Variants in FOXP2 observed in about 807,000 individuals in gnomAD.
FOXP2 encodes the protein forkhead box protein P2.
Under a neutral mutation model 115.8 loss-of-function variants are expected in FOXP2, and 12 were observed. The ratio of observed to expected loss-of-function variants is 0.10; its 90% CI spans 0.07 to 0.17. FOXP2 has a LOEUF of 0.17. FOXP2 is among the 10% of genes least tolerant of loss of function. The pLI is 1.00. For missense variants in FOXP2, 629 were observed against 843.5 expected, an observed-to-expected ratio of 0.75 and a Z score of 3.15; for synonymous variants, 328 against 297.7, an observed-to-expected ratio of 1.10 and a Z score of -1.05.
chr7:114,221,871 G>C (rs1794631268), intron 1 of FOXP2, among the ~76,000 whole-genome samples: 1 of 151,992 alleles, frequency 6.6e-6, no homozygotes, highest in Non-Finnish European at 1.5e-5. Flanking sequence ...TGTTTTCAAG[G>C]CTTGTTGAGT....
At chr7:114,631,492 C>T in intron 5 of FOXP2, 36 bp from the exon 6 acceptor site, 1 of 1,551,986 alleles carries the variant, frequency 6.4e-7, no homozygotes, top group Non-Finnish European at 8.7e-7. Flanking sequence ...AGACCATGTT[C>T]TCTGCTGTTT....
intron 8 of FOXP2, among the ~76,000 whole-genome samples, chr7:114,646,830 A>C (rs1168591441): frequency 6.6e-6 from 1 of 152,032 alleles, no homozygotes; most frequent in Admixed American, 6.6e-5. Context: ...GTTATTCAAA[A>C]AAAGTTTATT....
In FOXP2 at chr7:114,463,415, A is replaced by G. The variant is rs184307262; in HGVS notation, c.168+36736A>G. Among the ~76,000 whole-genome samples, 27 of 152,370 alleles carry G rather than the reference A, an allele frequency of 1.8e-4. No individual in the cohort carries two copies. In the East Asian group the frequency reaches 4.4e-3, roughly 25 times the overall value. On this transcript the variant is annotated intron_variant, in intron 2 of 16. Coordinates refer to ENST00000350908, the MANE Select transcript of FOXP2 (RefSeq NM_014491.4). ...CACATGTGGCTACTGAGCCCATGAA[A>G]GTGGCCAATGTCACTGAGGAAATGA...
intron 3 of FOXP2, among the ~76,000 whole-genome samples, chr7:114,580,966 G>T (rs1801824882): frequency 6.6e-6 from 1 of 151,632 alleles, no homozygotes; most frequent in African/African-American, 2.4e-5. Context: ...TGCAACACAA[G>T]ACACTGGGTA....
intron 2 of FOXP2, among the ~76,000 whole-genome samples, chr7:114,305,773 T>C (rs1485186959): frequency 2.0e-5 from 3 of 152,154 alleles, no homozygotes; most frequent in African/African-American, 7.2e-5. Flanking sequence ...TGCCAGGTTT[T>C]CTAATCACTT....
At chr7:114,243,892 G>C (rs1175203121) in intron 1 of FOXP2, among the ~76,000 whole-genome samples, 1 of 151,652 alleles carries the variant, frequency 6.6e-6, no homozygotes, top group Non-Finnish European at 1.5e-5. Context: ...TCCAGGCTAA[G>C]GTAACAAGCA....
chr7:114,671,224 A>T (rs1440571326), intron 16 of FOXP2, among the ~76,000 whole-genome samples: 1 of 151,840 alleles, frequency 6.6e-6, no homozygotes, highest in Non-Finnish European at 1.5e-5. Context: ...ACAAGTGTGG[A>T]TCAGTAGCTG....
At chr7:114,097,321 A>T (rs1437991159) in intron 1 of FOXP2, among the ~76,000 whole-genome samples, 1 of 152,172 alleles carries the variant, frequency 6.6e-6, no homozygotes, top group Non-Finnish European at 1.5e-5. Flanking sequence ...GGTAACCACT[A>T]ATCTGTTTTA....
chr7:114,671,584 A>T (rs1257513339), intron 16 of FOXP2, among the ~76,000 whole-genome samples: 1 of 152,234 alleles, frequency 6.6e-6, no homozygotes, highest in Non-Finnish European at 1.5e-5. Context: ...TTGAGCCTTA[A>T]AAATTTCCTT....
chr7:114,378,701 A>AAAAAAAAAAAAAG lies in FOXP2; in HGVS notation c.-10-47801_-10-47800insAAAAAAAAAAAAG, dbSNP rs1554380027. Among the ~76,000 whole-genome samples, 657 of 106,448 alleles carry AAAAAAAAAAAAAG rather than the reference A, an allele frequency of 6.2e-3. 11 individuals carry two copies. Among genetic ancestry groups the AAAAAAAAAAAAAG allele is most frequent in the African/African-American group, 8.4e-3 (235 of 28,112 alleles). The allele number at this position is 106,448 out of a possible 152,430, so 69.8% of individuals were successfully genotyped here. ...CCTGTCTCCAAAAAAAAAAAAAAAA[A>AAAAAAAAAAAAAG]GGAAAAGAAAAAGAAAGAAAGTGAA... On this transcript the variant is annotated intron_variant, in intron 2 of 17. Coordinates refer to the FOXP2 transcript ENST00000634411.
intron 2 of FOXP2, among the ~76,000 whole-genome samples, chr7:114,454,190 C>T: frequency 6.6e-6 from 1 of 151,620 alleles, no homozygotes; most frequent in Non-Finnish European, 1.5e-5. Flanking sequence ...CAAACAACCC[C>T]ATCAAAAAGT....
At chr7:114,199,545 T>A (rs1266441904) in intron 1 of FOXP2, among the ~76,000 whole-genome samples, 1 of 152,188 alleles carries the variant, frequency 6.6e-6, no homozygotes, top group Non-Finnish European at 1.5e-5. Context: ...TAGAGCACAC[T>A]GGTTCATAGA....
chr7:114,652,369 T>C, intron 9 of FOXP2, 79 bp downstream of exon 9: 1 of 1,275,044 alleles, frequency 7.8e-7, no homozygotes, highest in Non-Finnish European at 1.1e-6. Flanking sequence ...TTCTGGGTCT[T>C]TCAGCCTGCA....
chr7:114,358,392 C>T (rs55658511), intron 2 of FOXP2, among the ~76,000 whole-genome samples: 4,884 of 152,156 alleles, frequency 0.032, 214 homozygotes, highest in African/African-American at 0.11. Context: ...TAGAGTGGGG[C>T]GCTGCTATAA....
chr7:114,396,621 G>A (rs1792748199), intron 2 of FOXP2, among the ~76,000 whole-genome samples: 1 of 151,820 alleles, frequency 6.6e-6, no homozygotes. Flanking sequence ...TAAAAAAGTT[G>A]ATCTCATGGA....
At chr7:114,518,624 T>C (rs60032628) in intron 2 of FOXP2, among the ~76,000 whole-genome samples, 123 of 152,224 alleles carry the variant, frequency 8.1e-4, no homozygotes, top group African/African-American at 2.7e-3. Context: ...TGCCTCAGTC[T>C]CCTGAGTAGC....
intron 2 of FOXP2, among the ~76,000 whole-genome samples, chr7:114,317,972 G>A (rs571354682): frequency 2.0e-5 from 3 of 152,036 alleles, no homozygotes; most frequent in Non-Finnish European, 4.4e-5. Context: ...ACTCCCATCA[G>A]CTCCTTGAAG....
At chr7:114,375,957 T>C (rs1346155166) in intron 2 of FOXP2, among the ~76,000 whole-genome samples, 1 of 152,134 alleles carries the variant, frequency 6.6e-6, no homozygotes, top group Non-Finnish European at 1.5e-5. Flanking sequence ...ACTTGCAAGA[T>C]GGGAAGAATT....
At chr7:114,480,115 G>C (rs1796458637) in intron 2 of FOXP2, among the ~76,000 whole-genome samples, 1 of 151,292 alleles carries the variant, frequency 6.6e-6, no homozygotes, top group Non-Finnish European at 1.5e-5. Flanking sequence ...TTTCATCTTT[G>C]TTAAACTTGA....
Sources: allele counts gnomAD v4.1 joint callset (sites outside exome capture counted in the v4.1 genomes callset), GRCh38; gene constraint gnomAD v4.1.1; transcripts MANE v1.5; gene names NCBI Gene and HGNC (gene_info 2026-07-23, HGNC 2026-07-21).